Variants in PDE1C observed in about 807,000 individuals in gnomAD.
PDE1C encodes the protein phosphodiesterase 1C.
A neutral mutation model predicts 93.1 loss-of-function variants in PDE1C; 62 were observed. The observed-to-expected ratio is 0.67, with a 90% CI of 0.54 to 0.82. The LOEUF (loss-of-function observed/expected upper bound fraction) is 0.82, where lower values mean the gene tolerates loss of function less well. PDE1C is among the 40% of genes least tolerant of loss of function. The probability of loss-of-function intolerance (pLI) is 0.00; values close to 1 mark genes in which losing one functional copy is unlikely to be tolerated. For synonymous variants in PDE1C, 325 were observed against 310.1 expected (o/e 1.05, Z -0.50); for missense variants, 742 against 884.6 (o/e 0.84, Z 2.04).
chr7:32,183,831 C>T (rs1803631767), intron 2 of PDE1C, among the ~76,000 whole-genome samples: 1 of 152,094 alleles, frequency 6.6e-6, no homozygotes, highest in East Asian at 1.9e-4. Context: ...AGCTTCTGCA[C>T]AGCAAAAGAA....
the PDE1C span, among the ~76,000 whole-genome samples, chr7:31,719,404 C>T: frequency 2.6e-5 from 4 of 152,200 alleles, no homozygotes; most frequent in Admixed American, 2.0e-4. Context: ...CAAGTCGACA[C>T]CTGTTTCCTT....
the PDE1C span, among the ~76,000 whole-genome samples, chr7:31,657,722 A>G: frequency 1.3e-5 from 2 of 152,162 alleles, no homozygotes; most frequent in Non-Finnish European, 2.9e-5. Flanking sequence ...ACATGACTAT[A>G]TTCAGGCAAA....
chr7:32,008,766 A>G (rs1319424986), intron 2 of PDE1C, among the ~76,000 whole-genome samples: 1 of 152,202 alleles, frequency 6.6e-6, no homozygotes, highest in African/African-American at 2.4e-5. Context: ...CTATATAACA[A>G]CATATGCTTT....
intron 2 of PDE1C, among the ~76,000 whole-genome samples, chr7:32,000,231 T>A (rs1249520631): frequency 6.6e-6 from 1 of 152,100 alleles, no homozygotes; most frequent in African/African-American, 2.4e-5. Flanking sequence ...TGTAAAATGG[T>A]GATAACAGTC....
intron 2 of PDE1C, among the ~76,000 whole-genome samples, chr7:31,976,977 C>T (rs1563132909): frequency 1.3e-5 from 2 of 152,158 alleles, no homozygotes; most frequent in Non-Finnish European, 2.9e-5. Context: ...TTTCAGGACC[C>T]ATCCCAGACC....
At chr7:31,838,046 C>A in intron 9 of PDE1C, 75 bp from the exon 10 acceptor site, 1 of 920,462 alleles carries the variant, frequency 1.1e-6, no homozygotes, top group South Asian at 1.4e-5. Flanking sequence ...TTTTTTTTGC[C>A]ACTGCTAATG....
intron 2 of PDE1C, among the ~76,000 whole-genome samples, chr7:32,206,813 C>T (rs1478502064): frequency 1.3e-5 from 2 of 152,248 alleles, no homozygotes; most frequent in Non-Finnish European, 2.9e-5. Context: ...ATTCTCAAAC[C>T]ATCTGCTGGT....
intron 3 of PDE1C, among the ~76,000 whole-genome samples, chr7:32,101,266 A>G (rs1798022870): frequency 6.6e-6 from 1 of 152,234 alleles, no homozygotes; most frequent in Admixed American, 6.5e-5. Flanking sequence ...GATTTGGGTA[A>G]TACCGGATAC....
the PDE1C span, among the ~76,000 whole-genome samples, chr7:31,680,739 G>T: frequency 3.9e-5 from 6 of 151,974 alleles, no homozygotes; most frequent in South Asian, 1.2e-3. Context: ...GTCTCCATTC[G>T]ACAAGACAAA....
At chr7:31,674,017 T>C in the PDE1C span, among the ~76,000 whole-genome samples, 1 of 152,210 alleles carries the variant, frequency 6.6e-6, no homozygotes, top group African/African-American at 2.4e-5. Flanking sequence ...TATTTTTTTG[T>C]CTTAAATGTA....
At chr7:32,297,572 G>A (rs1049399799) in intron 1 of PDE1C, among the ~76,000 whole-genome samples, 2 of 152,092 alleles carry the variant, frequency 1.3e-5, no homozygotes, top group Admixed American at 1.3e-4. Flanking sequence ...GTCACAGCAT[G>A]GGGCGGAAGG....
chr7:31,671,439 G>A, the PDE1C span, among the ~76,000 whole-genome samples: 1 of 152,204 alleles, frequency 6.6e-6, no homozygotes, highest in African/African-American at 2.4e-5. Context: ...GGGTCAGGGA[G>A]ATTTCCTGCT....
intron 1 of PDE1C, among the ~76,000 whole-genome samples, chr7:32,368,114 C>G (rs933746973): frequency 6.6e-6 from 1 of 152,044 alleles, no homozygotes; most frequent in Non-Finnish European, 1.5e-5. Context: ...TCTTATTCAA[C>G]GTAGTACTGG....
At chr7:32,058,232 A>G (rs1361396010) in intron 1 of PDE1C, among the ~76,000 whole-genome samples, 3 of 152,154 alleles carry the variant, frequency 2.0e-5, no homozygotes, top group Non-Finnish European at 4.4e-5. Flanking sequence ...TCCTGTCTCC[A>G]TTCTTTTCTC....
At chr7:31,899,456 C>G (rs144746811) in intron 2 of PDE1C, among the ~76,000 whole-genome samples, 15 of 152,256 alleles carry the variant, frequency 9.9e-5, no homozygotes, top group African/African-American at 3.4e-4. Flanking sequence ...AGTCCCGTTT[C>G]TACAACTCAG....
At chr7:31,721,934 A>G in the PDE1C span, among the ~76,000 whole-genome samples, 1 of 152,002 alleles carries the variant, frequency 6.6e-6, no homozygotes, top group African/African-American at 2.4e-5. Context: ...CCCAGAGAGC[A>G]GGAAGGAGAT....
chr7:32,299,580 T>G (rs1267148174), upstream of PDE1C, among the ~76,000 whole-genome samples: 1 of 152,218 alleles, frequency 6.6e-6, no homozygotes, highest in African/African-American at 2.4e-5. Context: ...GTGGAAGATA[T>G]CTTACCAATC....
intron 12 of PDE1C, among the ~76,000 whole-genome samples, chr7:31,826,361 A>C (rs555086988): frequency 6.6e-6 from 1 of 152,304 alleles, no homozygotes; most frequent in Non-Finnish European, 1.5e-5. Flanking sequence ...TTGATAAGGA[A>C]ACAGTGATAG....
At chr7:32,426,487 CTG>C (rs1414148672) in intron 1 of PDE1C, among the ~76,000 whole-genome samples, 2 of 152,032 alleles carry the variant, frequency 1.3e-5, no homozygotes. Context: ...GTTGCCCAAA[CTG>C]GTCTTGAACT....
Sources: gnomAD v4.1 joint callset for allele counts (sites outside exome capture counted in the v4.1 genomes callset) on GRCh38, gnomAD v4.1.1 for gene constraint, MANE v1.5 for transcripts, NCBI Gene and HGNC (gene_info 2026-07-23, HGNC 2026-07-21) for gene names.